KSR2: variants seen among roughly 807,000 people sequenced by gnomAD.
The protein encoded by KSR2 is kinase suppressor of ras 2.
Under a neutral mutation model 107.8 loss-of-function variants are expected in KSR2, and 25 were observed. The ratio of observed to expected loss-of-function variants is 0.23; its 90% confidence interval spans 0.17 to 0.32. The LOEUF (loss-of-function observed/expected upper bound fraction) is 0.32, where lower values mean the gene tolerates loss of function less well. Among genes scored for constraint, KSR2 ranks in the 10% least tolerant of loss-of-function variants. The probability of loss-of-function intolerance (pLI) is 1.00; values close to 1 mark genes in which losing one functional copy is unlikely to be tolerated. For synonymous variants in KSR2, 480 were observed against 507.0 expected (o/e 0.95, Z 0.71); for missense variants, 887 against 1,268.9 (o/e 0.70, Z 4.57).
chr12:117,829,044 AACCACAC>A (rs1891859736), intron 3 of KSR2, among the ~76,000 whole-genome samples: 1 of 152,208 alleles, frequency 6.6e-6, no homozygotes, highest in South Asian at 2.1e-4. Context: ...GAACTCAGTC[AACCACAC>A]ACCACCCCTT....
intron 14 of KSR2, among the ~76,000 whole-genome samples, chr12:117,515,098 AT>A (rs1874283795): frequency 6.6e-6 from 1 of 151,988 alleles, no homozygotes; most frequent in Non-Finnish European, 1.5e-5. Context: ...CATCCAGTTA[AT>A]TTCCTTGTCT....
intron 5 of KSR2, among the ~76,000 whole-genome samples, 173 bp from the exon 6 acceptor site, chr12:117,582,532 G>A (rs1283581296): frequency 1.3e-5 from 2 of 152,212 alleles, no homozygotes; most frequent in African/African-American, 4.8e-5. Flanking sequence ...CTCAACTGAC[G>A]CAAGGGCCCC....
At chr12:117,661,925 T>C (rs545880958) in intron 5 of KSR2, among the ~76,000 whole-genome samples, 4 of 152,352 alleles carry the variant, frequency 2.6e-5, no homozygotes, top group Admixed American at 1.3e-4. Context: ...GGAACTGTTC[T>C]GTAGCATTTT....
chr12:117,881,205 G>T (rs1267652259), intron 1 of KSR2, among the ~76,000 whole-genome samples: 1 of 152,172 alleles, frequency 6.6e-6, no homozygotes, highest in Non-Finnish European at 1.5e-5. Flanking sequence ...AAGAATGAAG[G>T]CCTTTTCCGT....
At chr12:117,697,006 C>T (rs1348378443) in intron 4 of KSR2, among the ~76,000 whole-genome samples, 1 of 152,052 alleles carries the variant, frequency 6.6e-6, no homozygotes, top group East Asian at 1.9e-4. Context: ...CACCAGCTGC[C>T]CCAGGCATCC....
intron 5 of KSR2, among the ~76,000 whole-genome samples, chr12:117,588,017 T>A (rs901917964): frequency 6.6e-6 from 1 of 152,130 alleles, no homozygotes; most frequent in Non-Finnish European, 1.5e-5. Flanking sequence ...AGACCATTCC[T>A]TCCCAAGGTC....
At chr12:117,782,673 T>C (rs1052725091) in intron 3 of KSR2, among the ~76,000 whole-genome samples, 4 of 152,230 alleles carry the variant, frequency 2.6e-5, no homozygotes, top group African/African-American at 9.6e-5. Flanking sequence ...GTAGACTCTA[T>C]TCTTCACAAA....
intron 4 of KSR2, among the ~76,000 whole-genome samples, chr12:117,735,950 T>TA (rs1227192915): frequency 6.6e-6 from 1 of 152,158 alleles, no homozygotes; most frequent in African/African-American, 2.4e-5. Context: ...ATGCATGACT[T>TA]AGAGTAATTT....
intron 9 of KSR2, among the ~76,000 whole-genome samples, chr12:117,550,888 G>A (rs1045346929): frequency 1.2e-4 from 19 of 152,146 alleles, no homozygotes; most frequent in Admixed American, 5.9e-4. Flanking sequence ...CATCCTCCAC[G>A]TCTAGTTTCA....
intron 1 of KSR2, among the ~76,000 whole-genome samples, chr12:117,932,945 A>G (rs776376257): frequency 2.6e-5 from 4 of 152,024 alleles, no homozygotes; most frequent in Non-Finnish European, 5.9e-5. Context: ...CCTGGGAGGC[A>G]GAGGTTGCAG....
intron 3 of KSR2, among the ~76,000 whole-genome samples, chr12:117,765,312 C>T (rs971387023): frequency 6.6e-6 from 1 of 152,158 alleles, no homozygotes. Context: ...GTGCTTTTGG[C>T]ATTATCATGA....
intron 1 of KSR2, among the ~76,000 whole-genome samples, chr12:117,966,486 TC>T (rs1270977696): frequency 6.6e-6 from 1 of 151,806 alleles, no homozygotes; most frequent in Non-Finnish European, 1.5e-5. Context: ...CCAACACAAT[TC>T]CCACTCTCCC....
rs2137110579 is a variant in KSR2 at position 117,830,178 on chromosome 12, G to A, written c.472+25250C>T. Among the ~76,000 whole-genome samples the A allele has an allele frequency of 2.0e-5, 3 of 152,174 alleles. No individual in the cohort carries two copies. The Middle Eastern group carries it at 0.01, about 518-fold the overall frequency. On this transcript the variant is annotated intron_variant, in intron 3 of 19. Coordinates refer to ENST00000339824, the MANE Select transcript of KSR2 (RefSeq NM_173598.6). ...AGCTACTCGGGAGGCTGGGGCAGGA[G>A]AAGAGCTTGCACCTAGGAGGCAGAG...
At chr12:117,632,504 G>A (rs1352823599) in intron 5 of KSR2, among the ~76,000 whole-genome samples, 2 of 152,034 alleles carry the variant, frequency 1.3e-5, no homozygotes, top group African/African-American at 2.4e-5. Context: ...GGGATTACAG[G>A]CATGAGCCAC....
intron 14 of KSR2, among the ~76,000 whole-genome samples, chr12:117,502,676 T>G (rs1221288025): frequency 3.9e-5 from 6 of 152,214 alleles, no homozygotes; most frequent in Non-Finnish European, 8.8e-5. Context: ...ATATACATTA[T>G]ATATCAATAA....
intron 5 of KSR2, among the ~76,000 whole-genome samples, chr12:117,659,449 T>C (rs1884329735): frequency 6.6e-6 from 1 of 152,176 alleles, no homozygotes; most frequent in African/African-American, 2.4e-5. Context: ...CACGTCCGCA[T>C]GCTTCAGCAG....
At chr12:117,849,750 C>CAG (rs1478945438) in intron 3 of KSR2, among the ~76,000 whole-genome samples, 1 of 152,096 alleles carries the variant, frequency 6.6e-6, no homozygotes, top group Non-Finnish European at 1.5e-5. Flanking sequence ...CAGACAGGGA[C>CAG]AGAGAGAGAG....
At chr12:117,566,447 T>C (rs1410944842) in intron 7 of KSR2, among the ~76,000 whole-genome samples, 2 of 152,196 alleles carry the variant, frequency 1.3e-5, no homozygotes, top group Non-Finnish European at 2.9e-5. Context: ...CTATGTGTTC[T>C]CATCATTTAG....
chr12:117,666,560 T>G (rs1052884331), intron 5 of KSR2, among the ~76,000 whole-genome samples: 3 of 152,222 alleles, frequency 2.0e-5, no homozygotes, highest in African/African-American at 7.2e-5. Flanking sequence ...ATGGGAATAA[T>G]CCATCTGCAT....
Sources: allele counts gnomAD v4.1 joint callset (sites outside exome capture counted in the v4.1 genomes callset), GRCh38; gene constraint gnomAD v4.1.1; transcripts MANE v1.5; gene names NCBI Gene and HGNC (gene_info 2026-07-23, HGNC 2026-07-21).